Variants in CFAP54 observed in about 807,000 individuals in gnomAD.
CFAP54 encodes the protein cilia- and flagella-associated protein 54.
In CFAP54, 290 loss-of-function variants were observed where a neutral mutation model predicts 370.4. The ratio of observed to expected loss-of-function variants is 0.78; its 90% CI spans 0.71 to 0.86. The LOEUF is 0.86. Among genes scored for constraint, CFAP54 ranks in the 40% least tolerant of loss-of-function variants. CFAP54 has a pLI of 0.00. For missense variants in CFAP54, 3,399 were observed against 3,528.7 expected (o/e 0.96, Z 0.93); for synonymous variants, 1,206 against 1,236.5 (o/e 0.98, Z 0.52).
intron 67 of CFAP54, among the ~76,000 whole-genome samples, chr12:96,874,362 A>G (rs1001841146): frequency 3.9e-5 from 6 of 152,226 alleles, no homozygotes; most frequent in Non-Finnish European, 8.8e-5. Context: ...TTTATTTGCA[A>G]TTCATGAATC....
At chr12:96,834,591 C>T (rs1959180276) in intron 66 of CFAP54, among the ~76,000 whole-genome samples, 1 of 152,204 alleles carries the variant, frequency 6.6e-6, no homozygotes. Context: ...AAGCAGCTTC[C>T]TTGGTTGGCA....
At chr12:96,799,669 T>C (rs1340249523) in intron 63 of CFAP54, among the ~76,000 whole-genome samples, 1 of 152,244 alleles carries the variant, frequency 6.6e-6, no homozygotes, top group Non-Finnish European at 1.5e-5. Flanking sequence ...TTCATGCTAT[T>C]TCACATATTT....
At chr12:96,735,073 A>G (rs1414134553) in intron 50 of CFAP54, among the ~76,000 whole-genome samples, 1 of 152,220 alleles carries the variant, frequency 6.6e-6, no homozygotes, top group Non-Finnish European at 1.5e-5. Flanking sequence ...AGTTAAAGCA[A>G]TGAATGAGGT....
At chr12:96,541,819 T>A (rs1165358493) in intron 14 of CFAP54, among the ~76,000 whole-genome samples, 3 of 152,152 alleles carry the variant, frequency 2.0e-5, no homozygotes, top group Non-Finnish European at 4.4e-5. Context: ...CTTTCTTCAT[T>A]TATTGTTTCT....
Position 96,746,868 on chromosome 12 carries a change from C to T in CFAP54, c.7684+2722C>T, listed in dbSNP as rs530969181. ...CCTCCCCACTACTCACTGGCTCCCA[C>T]ACATGCAAATACATTTCCTTAAACT... On this transcript the variant is annotated intron_variant, in intron 55 of 67. Transcript: ENST00000524981. Among the ~76,000 whole-genome samples the T allele has an allele frequency of 9.8e-5, 15 of 152,328 alleles. 1 individual carries two copies. In the South Asian group the frequency reaches 2.1e-3, roughly 21 times the overall value.
chr12:96,735,436 C>G (rs948048735), intron 50 of CFAP54, among the ~76,000 whole-genome samples: 1 of 152,142 alleles, frequency 6.6e-6, no homozygotes, highest in African/African-American at 2.4e-5. Context: ...TAACACTGTG[C>G]AGAGGCTTAA....
chr12:96,833,657 A>G (rs1230903817), intron 66 of CFAP54, among the ~76,000 whole-genome samples: 1 of 152,040 alleles, frequency 6.6e-6, no homozygotes, highest in Non-Finnish European at 1.5e-5. Flanking sequence ...GATGTATTAT[A>G]TAAGGAGATT....
chr12:96,853,776 A>C lies in CFAP54; in HGVS notation c.9172-7043A>C, dbSNP rs1022972840. ...GTTCTCCTGAGAACCAACAAGGATT[A>C]ATAACTCCTGGGTGACAACTGCTTT... On this transcript the variant is annotated intron_variant, in intron 66 of 67. Transcript: ENST00000524981. 5.3e-5 allele frequency among the ~76,000 whole-genome samples: 8 copies of C among 152,218 alleles called. 1 individual carries two copies. The East Asian group carries it at 5.8e-4, about 11-fold the overall frequency.
chr12:96,690,204 GT>G (rs1957374751), intron 43 of CFAP54, among the ~76,000 whole-genome samples: 1 of 152,112 alleles, frequency 6.6e-6, no homozygotes, highest in Non-Finnish European at 1.5e-5. Flanking sequence ...AAATTAGCTG[GT>G]GGGATTTATT....
At chr12:96,580,811 C>T (rs1026173030) in intron 21 of CFAP54, 109 bp from the exon 22 acceptor site, 10 of 1,114,682 alleles carry the variant, frequency 9.0e-6, no homozygotes, top group Non-Finnish European at 1.2e-5. Context: ...TAAAATCCAA[C>T]AATGAAAGAA....
At chr12:96,517,016 T>TC (rs1028308244) in intron 5 of CFAP54, among the ~76,000 whole-genome samples, 1 of 151,800 alleles carries the variant, frequency 6.6e-6, no homozygotes, top group African/African-American at 2.4e-5. Context: ...TTTTTTTTTT[T>TC]CCATGAAGAG....
chr12:96,610,077 T>C (rs1956339292), intron 26 of CFAP54, among the ~76,000 whole-genome samples: 4 of 152,168 alleles, frequency 2.6e-5, no homozygotes, highest in Admixed American at 2.6e-4. Flanking sequence ...GCCACTTTAA[T>C]AAAAAAATGA....
intron 39 of CFAP54, among the ~76,000 whole-genome samples, chr12:96,664,726 T>G (rs1395063896): frequency 0.16 from 1,536 of 9,744 alleles, 76 homozygotes; most frequent in East Asian, 0.39. Context: ...TATATATATC[T>G]ATATATATAT....
intron 26 of CFAP54, among the ~76,000 whole-genome samples, chr12:96,601,770 G>T (rs1956245239): frequency 6.6e-6 from 1 of 152,130 alleles, no homozygotes; most frequent in African/African-American, 2.4e-5. Context: ...TTCTCTGCTG[G>T]TAGTTTGTAT....
intron 15 of CFAP54, among the ~76,000 whole-genome samples, chr12:96,549,482 C>T (rs1565893215): frequency 6.6e-6 from 1 of 152,144 alleles, no homozygotes; most frequent in Non-Finnish European, 1.5e-5. Flanking sequence ...TCTGTGATGA[C>T]AACAGTGTGA....
intron 39 of CFAP54, among the ~76,000 whole-genome samples, chr12:96,664,777 C>CTATATA (rs1255477327): frequency 2.0e-4 from 3 of 14,988 alleles, no homozygotes; most frequent in Non-Finnish European, 2.7e-4. Flanking sequence ...ATATCTATAT[C>CTATATA]TATATATATA....
intron 26 of CFAP54, among the ~76,000 whole-genome samples, chr12:96,602,860 A>C (rs887340030): frequency 6.6e-6 from 1 of 152,074 alleles, no homozygotes; most frequent in Non-Finnish European, 1.5e-5. Context: ...CTTTGCATGT[A>C]AGATGGGTCT....
At chr12:96,754,611 C>G (rs1309133726) in intron 56 of CFAP54, among the ~76,000 whole-genome samples, 1 of 152,122 alleles carries the variant, frequency 6.6e-6, no homozygotes, top group Non-Finnish European at 1.5e-5. Context: ...AATGATAGTG[C>G]CCAGATGTGA....
intron 58 of CFAP54, among the ~76,000 whole-genome samples, chr12:96,760,260 T>A (rs919187664): frequency 1.3e-5 from 2 of 152,124 alleles, no homozygotes; most frequent in South Asian, 2.1e-4. Context: ...GAGATCAGCA[T>A]GCATACATTT....
Sources: allele counts gnomAD v4.1 joint callset (sites outside exome capture counted in the v4.1 genomes callset), GRCh38; gene constraint gnomAD v4.1.1; transcripts MANE v1.5; gene names NCBI Gene and HGNC (gene_info 2026-07-23, HGNC 2026-07-21).